The following RER1 variants were observed in gnomAD, a reference collection of about 807,000 sequenced individuals.
The protein encoded by RER1 is protein RER1.
Under a neutral mutation model 28.3 loss-of-function variants are expected in RER1, and 6 were observed. That is an observed-to-expected ratio of 0.21 (90% CI 0.12 to 0.42). The LOEUF (loss-of-function observed/expected upper bound fraction) is 0.42, where lower values mean the gene tolerates loss of function less well. Ranked by LOEUF, RER1 falls within the 10% of genes least tolerant of loss-of-function variation. The probability of loss-of-function intolerance (pLI) is 1.00; values close to 1 mark genes in which losing one functional copy is unlikely to be tolerated. For synonymous variants in RER1, 110 were observed against 95.9 expected (o/e 1.15, Z -0.86); for missense variants, 159 against 252.9 (o/e 0.63, Z 2.52).
Position 2,405,419 on chromosome 1 carries a change from A to G in RER1, c.*2295A>G. On this transcript the variant is annotated 3_prime_UTR_variant, in exon 7 of 7. Transcript: ENST00000605895. ...CTGTTTTCTCACAATATAAACGAATAAAGTGTCTTCTGGCCTACTTCTGAA... is the reference window on the plus strand; with the variant it reads ...CTGTTTTCTCACAATATAAACGAATGAAGTGTCTTCTGGCCTACTTCTGAA... 4.6e-6 allele frequency: 2 copies of G among 434,502 alleles called. No individual in the cohort carries two copies. The highest frequency in any genetic ancestry group is 4.3e-6 in the Non-Finnish European group (1 of 231,300). The allele number at this position is 434,502 out of a possible 1,614,324, so 26.9% of individuals were successfully genotyped here.
At chr1:2,397,812 AAC>A (rs1642790360) in intron 3 of RER1, among the ~76,000 whole-genome samples, 1 of 152,082 alleles carries the variant, frequency 6.6e-6, no homozygotes, top group Non-Finnish European at 1.5e-5. Context: ...CTTGCTGGTA[AAC>A]ACGGGGTTTC....
chr1:2,403,162 G>A lies in RER1; in HGVS notation c.*38G>A, dbSNP rs775723930. 1.3e-6 allele frequency: 2 copies of A among 1,518,436 alleles called. No individual in the cohort carries two copies. Among genetic ancestry groups the A allele is most frequent in the African/African-American group, 1.4e-5 (1 of 72,900 alleles). The allele number at this position is 1,518,436 out of a possible 1,614,324, so 94.1% of individuals were successfully genotyped here. A position where few individuals can be genotyped will look rare whatever the true frequency, so the allele number is the denominator to read the frequency against. On this transcript the variant is annotated 3_prime_UTR_variant, in exon 7 of 7. Transcript: ENST00000605895. ...GGCTGCCTCACGTGTTGCAAGAACA[G>A]TTTTGAGCCATTGTTAACAATGCCT...
rs142351577 is a variant in RER1 at position 2,400,750 on chromosome 1, C to T, written c.287-107C>T. The T allele has an allele frequency of 4.1e-4, 372 of 900,280 alleles. 1 individual carries two copies. Among genetic ancestry groups the T allele is most frequent in the African/African-American group, 2.3e-3 (138 of 60,182 alleles). The allele number at this position is 900,280 out of a possible 1,614,324, so 55.8% of individuals were successfully genotyped here. On this transcript the variant is annotated intron_variant, in intron 4 of 6. Transcript: ENST00000605895. ...TTCTCTGGTTAAATGACATGAATCT[C>T]GGTTTAGATTTGTGAGGCCTGCTAG...
At chr1:2,392,184 C>T (rs1041041848) in intron 1 of RER1, among the ~76,000 whole-genome samples, 1 of 151,582 alleles carries the variant, frequency 6.6e-6, no homozygotes, top group African/African-American at 2.4e-5. Flanking sequence ...TGCGGCGGAG[C>T]CCTGGGGCCT....
intron 1 of RER1, chr1:2,393,263 C>T (rs572796389): frequency 6.6e-6 from 1 of 152,298 alleles, no homozygotes; most frequent in South Asian, 2.1e-4. Flanking sequence ...ATGTAATGGA[C>T]TTCCAGGTGG....
chr1:2,398,221 C>T (rs997221190), intron 3 of RER1, among the ~76,000 whole-genome samples: 3 of 152,216 alleles, frequency 2.0e-5, no homozygotes, highest in Admixed American at 6.5e-5. Flanking sequence ...ATCCGGCGTT[C>T]AGCCGAGGAT....
intron 1 of RER1, chr1:2,394,173 G>A (rs149842649): frequency 2.5e-4 from 38 of 152,330 alleles, no homozygotes; most frequent in African/African-American, 8.7e-4. Context: ...TCTTTCAGTG[G>A]AGAGTAAAGG....
At chr1:2,400,626 G>T (rs1257562428) in intron 4 of RER1, among the ~76,000 whole-genome samples, 1 of 152,254 alleles carries the variant, frequency 6.6e-6, no homozygotes, top group Non-Finnish European at 1.5e-5. Context: ...AATTCTTCGT[G>T]CATTGAAAAC....
At chr1:2,399,386 A>G (rs763104164) in intron 3 of RER1, 29 bp from the exon 4 acceptor site, 2 of 1,447,364 alleles carry the variant, frequency 1.4e-6, no homozygotes, top group South Asian at 1.1e-5. Context: ...GTCAGAGTGC[A>G]CCACTGACTC....
chr1:2,401,244 CTCCCTCCTT>C (rs1570083432), intron 5 of RER1, among the ~76,000 whole-genome samples: 7 of 95,752 alleles, frequency 7.3e-5, no homozygotes, highest in East Asian at 3.2e-4. Flanking sequence ...TCCCTCCTTC[CTCCCTCCTT>C]CCTCCCTCCT....
At position 2,396,634 on chromosome 1, in the gene RER1, C is replaced by T. The variant is rs867947533; in HGVS notation, c.82-482C>T. Among the ~76,000 whole-genome samples, 18 of 152,174 alleles carry T rather than the reference C, an allele frequency of 1.2e-4. 1 individual carries two copies. The highest frequency in any genetic ancestry group is 2.7e-4 in the African/African-American group (11 of 41,436). On this transcript the variant is annotated intron_variant, in intron 2 of 6. Transcript: ENST00000605895. ...GGGCTCCTTCGGTCATGTCCACAGC[C>T]GCCTGGACGCACACACATGTGGGTG...
chr1:2,401,812 G>C, intron 5 of RER1: 1 of 521,242 alleles, frequency 1.9e-6, no homozygotes. Context: ...CATGTGCTGG[G>C]ACGGGAGGGA....
intron 1 of RER1, 139 bp from the exon 2 acceptor site, chr1:2,395,645 C>T: frequency 1.5e-6 from 1 of 680,296 alleles, no homozygotes; most frequent in South Asian, 1.7e-5. Context: ...CCGAACAATT[C>T]ATGGTAAAAA....
intron 1 of RER1, among the ~76,000 whole-genome samples, chr1:2,392,604 TCAGTGGGCTTTTGCC>T (rs1642699018): frequency 6.6e-6 from 1 of 152,232 alleles, no homozygotes; most frequent in Non-Finnish European, 1.5e-5. Context: ...CTAAGTACCT[TCAGTGGGCTTTTGCC>T]CTTTTCCCTT....
At chr1:2,392,935 G>C (rs969336048) in intron 1 of RER1, among the ~76,000 whole-genome samples, 1 of 152,250 alleles carries the variant, frequency 6.6e-6, no homozygotes, top group Admixed American at 6.5e-5. Flanking sequence ...CACCAGAGGC[G>C]TGAAGCTTGG....
At chr1:2,402,958 G>C in intron 6 of RER1, 77 bp from the exon 7 acceptor site, 1 of 1,233,790 alleles carries the variant, frequency 8.1e-7, no homozygotes, top group East Asian at 2.4e-5. Context: ...GGGGACCTTT[G>C]GCCGCTCAGA....
At chr1:2,397,914 T>G (rs1296264467) in intron 3 of RER1, among the ~76,000 whole-genome samples, 1 of 152,208 alleles carries the variant, frequency 6.6e-6, no homozygotes, top group Non-Finnish European at 1.5e-5. Flanking sequence ...GTTGAAAGCC[T>G]TGTCTGGGCT....
At chr1:2,394,344 C>G (rs911880119) in intron 1 of RER1, 4 of 152,348 alleles carry the variant, frequency 2.6e-5, no homozygotes, top group Admixed American at 6.5e-5. Context: ...TGGATCACTT[C>G]AGCGCATCAG....
At chr1:2,394,146 CTATT>C (rs1258671533) in intron 1 of RER1, 2 of 152,218 alleles carry the variant, frequency 1.3e-5, no homozygotes, top group Admixed American at 6.5e-5. Flanking sequence ...AGTGTAGCCT[CTATT>C]TAAATATGGA....
Sources: allele counts gnomAD v4.1 joint callset (sites outside exome capture counted in the v4.1 genomes callset), GRCh38; gene constraint gnomAD v4.1.1; transcripts MANE v1.5; gene names NCBI Gene and HGNC (gene_info 2026-07-23, HGNC 2026-07-21).